The following LONP2 variants were observed in gnomAD, a reference collection of about 807,000 sequenced individuals.
LONP2 encodes the protein lon peptidase 2, peroxisomal, also known as lon protease homolog 2, peroxisomal.
A neutral mutation model predicts 85.6 loss-of-function variants in LONP2; 60 were observed. The observed-to-expected ratio is 0.70, with a 90% CI of 0.57 to 0.87. The LOEUF is 0.87. Among genes scored for constraint, LONP2 ranks in the 40% least tolerant of loss-of-function variants. The pLI, the probability that LONP2 is intolerant of heterozygous loss-of-function variation, is 0.00. For synonymous variants in LONP2, 395 were observed against 389.7 expected (o/e 1.01, Z -0.16); for missense variants, 860 against 1,063.5 (o/e 0.81, Z 2.66).
chr16:48,271,395 G>A (rs1358921284), intron 7 of LONP2, among the ~76,000 whole-genome samples: 1 of 152,148 alleles, frequency 6.6e-6, no homozygotes, highest in African/African-American at 2.4e-5. Context: ...TAAAGAACAT[G>A]TTTAAATGTA....
At chr16:48,284,530 G>C (rs1045891059) in intron 8 of LONP2, among the ~76,000 whole-genome samples, 3 of 152,086 alleles carry the variant, frequency 2.0e-5, no homozygotes, top group African/African-American at 7.2e-5. Context: ...CACTCCACCA[G>C]CAAAATGACA....
chr16:48,271,932 C>T (rs959417502), intron 7 of LONP2, among the ~76,000 whole-genome samples: 4 of 152,164 alleles, frequency 2.6e-5, no homozygotes, highest in African/African-American at 9.7e-5. Context: ...TTGGACCAAA[C>T]TCAAAGAAGC....
intron 6 of LONP2, among the ~76,000 whole-genome samples, chr16:48,266,296 C>T (rs180683750): frequency 4.4e-4 from 67 of 151,424 alleles, no homozygotes; most frequent in African/African-American, 1.4e-3. Context: ...TGAGCCACTG[C>T]GTCTGGCCCT....
intron 6 of LONP2, among the ~76,000 whole-genome samples, chr16:48,263,276 A>G (rs1475453332): frequency 6.6e-6 from 1 of 152,184 alleles, no homozygotes; most frequent in Non-Finnish European, 1.5e-5. Flanking sequence ...ACTTTTCTTT[A>G]TAGTAGATCT....
chr16:48,293,278 A>G (rs1972594458), intron 8 of LONP2, among the ~76,000 whole-genome samples: 1 of 152,120 alleles, frequency 6.6e-6, no homozygotes, highest in African/African-American at 2.4e-5. Flanking sequence ...AATACAAAAA[A>G]GTAGCCGTGC....
rs114773842 is a variant in LONP2, at chr16:48,321,419, A to G, written c.1796-12797A>G. On this transcript the variant is annotated intron_variant, in intron 11 of 14. Transcript: ENST00000285737. ...GGTGCAAACTTTCTTGTCTGGTACT[A>G]AAGATGGATTCCTATGTTTTGGGCC... Among the ~76,000 whole-genome samples, 922 of 152,342 alleles carry G rather than the reference A, an allele frequency of 6.1e-3. 12 individuals carry two copies. Among genetic ancestry groups the G allele is most frequent in the African/African-American group, 0.021 (893 of 41,574 alleles).
chr16:48,277,548 T>C lies in LONP2; in HGVS notation c.1383+69T>C. On this transcript the variant is annotated intron_variant, in intron 8 of 14. Transcript: ENST00000285737. ...TATGGAGGAGGGTTGATAATCATAT[T>C]CAAGTGATATACACAGTGGTGTAGC... 4 of 1,490,288 alleles carry C rather than the reference T, an allele frequency of 2.7e-6. No individual in the cohort carries two copies. In the South Asian group the frequency reaches 5.0e-5, roughly 18 times the overall value. The allele number at this position is 1,490,288 out of a possible 1,614,324, so 92.3% of individuals were successfully genotyped here.
At chr16:48,327,645 A>G (rs748803001) in intron 11 of LONP2, among the ~76,000 whole-genome samples, 1 of 152,058 alleles carries the variant, frequency 6.6e-6, no homozygotes, top group Non-Finnish European at 1.5e-5. Flanking sequence ...TTCATTAGAG[A>G]TGGGGTTTCA....
chr16:48,342,956 C>G (rs150508853), intron 12 of LONP2, among the ~76,000 whole-genome samples: 1 of 152,192 alleles, frequency 6.6e-6, no homozygotes, highest in Non-Finnish European at 1.5e-5. Flanking sequence ...AGAAGGCCTA[C>G]AAAATTCTTC....
intron 1 of LONP2, among the ~76,000 whole-genome samples, chr16:48,249,599 G>C (rs1454164166): frequency 1.3e-5 from 2 of 152,098 alleles, no homozygotes; most frequent in African/African-American, 4.8e-5. Context: ...TTCTAGGCTG[G>C]GCGAGGTGGG....
intron 11 of LONP2, among the ~76,000 whole-genome samples, chr16:48,315,607 A>G (rs1174928707): frequency 6.6e-6 from 1 of 152,202 alleles, no homozygotes; most frequent in Non-Finnish European, 1.5e-5. Flanking sequence ...AAGTCTCACT[A>G]CTTAATATTG....
Position 48,262,628 on chromosome 16 carries a change from C to T in LONP2, c.888-150C>T, listed in dbSNP as rs74016356. The T allele has an allele frequency of 8.5e-3, 4,542 of 533,418 alleles. 48 individuals are homozygous for T. The highest frequency in any genetic ancestry group is 0.038 in the Middle Eastern group (86 of 2,244). 33.0% of individuals were successfully genotyped at this position (533,418 alleles called of 1,614,324 possible). On this transcript the variant is annotated intron_variant, in intron 5 of 14. Transcript: ENST00000285737. ...TCATTACATTACAAAACAAAATAAA[C>T]GTTTTATTATCTGGATACTTTAAAA...
At chr16:48,249,359 G>A (rs1455048225) in intron 1 of LONP2, among the ~76,000 whole-genome samples, 2 of 152,248 alleles carry the variant, frequency 1.3e-5, no homozygotes, top group East Asian at 3.9e-4. Context: ...TACAATAGAA[G>A]AGCCAGAATT....
At chr16:48,361,064 CAA>C (rs1960564831), downstream of LONP2, 1 of 152,452 alleles carries the variant, frequency 6.6e-6, no homozygotes, top group South Asian at 2.1e-4. Flanking sequence ...ACAGAAAAGT[CAA>C]ATTTATTTAA....
At chr16:48,309,052 AT>A (rs1213609371) in intron 11 of LONP2, among the ~76,000 whole-genome samples, 7 of 152,310 alleles carry the variant, frequency 4.6e-5, no homozygotes, top group Middle Eastern at 3.4e-3. Flanking sequence ...ATTTGAAAAA[AT>A]GCTCAATATC....
At chr16:48,339,783 A>G (rs1959762937) in intron 12 of LONP2, among the ~76,000 whole-genome samples, 1 of 152,256 alleles carries the variant, frequency 6.6e-6, no homozygotes. Context: ...GGAAAAGATT[A>G]TAATGATGGG....
chr16:48,244,700 T>A, intron 1 of LONP2, 79 bp downstream of exon 1: 1 of 1,047,200 alleles, frequency 9.5e-7, no homozygotes, highest in Non-Finnish European at 1.3e-6. Context: ...CGGCCTGCCT[T>A]GAGCGCGAGG....
At position 48,334,301 on chromosome 16, in the gene LONP2, T is replaced by G; in HGVS notation, c.1881T>G (p.Ile627Met). 6.2e-7 allele frequency: 1 copy of G among 1,614,162 alleles called. No individual in the cohort carries two copies. Among genetic ancestry groups the G allele is most frequent in the Non-Finnish European group, 8.5e-7 (1 of 1,180,018 alleles). Reference protein sequence around the residue: ...TDLALPPEMPILIDFHALKDI... With the variant: ...TDLALPPEMPMLIDFHALKDI... Reference sequence around the variant, plus strand: ...TGGCTCTACCACCTGAAATGCCGATTTTGATTGATTTCCATGCTCTGAAAG... The same window carrying G: ...TGGCTCTACCACCTGAAATGCCGATGTTGATTGATTTCCATGCTCTGAAAG... Residue 627 changes from isoleucine (I) to methionine (M), a missense_variant, in exon 12 of 15, where the codon ATT (isoleucine) becomes ATG (methionine). Ile to Met is a conservative substitution (Grantham distance 10). Coordinates refer to ENST00000285737, the MANE Select transcript of LONP2 (RefSeq NM_031490.5).
intron 10 of LONP2, among the ~76,000 whole-genome samples, chr16:48,302,049 C>T (rs539962871): frequency 2.0e-5 from 3 of 152,322 alleles, no homozygotes; most frequent in Non-Finnish European, 4.4e-5. Flanking sequence ...GAAGCCCATG[C>T]TTTTCTTATT....
Sources: gnomAD v4.1 joint callset for allele counts (sites outside exome capture counted in the v4.1 genomes callset) on GRCh38, gnomAD v4.1.1 for gene constraint, MANE v1.5 for transcripts, NCBI Gene and HGNC (gene_info 2026-07-23, HGNC 2026-07-21) for gene names.